Variants in MMS22L observed in about 807,000 individuals in gnomAD.
MMS22L encodes the protein MMS22 like, DNA repair protein.
Under a neutral mutation model 159.1 loss-of-function variants are expected in MMS22L, and 74 were observed. The ratio of observed to expected loss-of-function variants is 0.47; its 90% CI spans 0.39 to 0.56. MMS22L has a LOEUF of 0.56. Among genes scored for constraint, MMS22L ranks in the 20% least tolerant of loss-of-function variants. The pLI is 0.00. For missense variants in MMS22L, 1,351 were observed against 1,422.1 expected, an observed-to-expected ratio of 0.95 and a Z score of 0.80; for synonymous variants, 517 against 506.9, an observed-to-expected ratio of 1.02 and a Z score of -0.27.
At chr6:97,277,460 T>C (rs1341956936) in intron 4 of MMS22L, among the ~76,000 whole-genome samples, 3 of 151,870 alleles carry the variant, frequency 2.0e-5, no homozygotes, top group Admixed American at 2.0e-4. Context: ...GGCCACTCCA[T>C]TACAGTGAAA....
At chr6:97,189,260 GT>G (rs1248263765) in intron 14 of MMS22L, among the ~76,000 whole-genome samples, 1 of 103,506 alleles carries the variant, frequency 9.7e-6, no homozygotes, top group Non-Finnish European at 2.0e-5. Flanking sequence ...AATCCATTAG[GT>G]TTAAAAAAAA....
intron 20 of MMS22L, among the ~76,000 whole-genome samples, chr6:97,166,355 G>A (rs1461916513): frequency 3.3e-5 from 5 of 151,990 alleles, no homozygotes; most frequent in African/African-American, 1.2e-4. Flanking sequence ...GACTCACAAC[G>A]TATTTTCCAA....
At chr6:97,201,953 C>A (rs552849991) in intron 14 of MMS22L, among the ~76,000 whole-genome samples, 1 of 152,142 alleles carries the variant, frequency 6.6e-6, no homozygotes, top group Non-Finnish European at 1.5e-5. Context: ...CTTATTCCCT[C>A]GAACAATACT....
chr6:97,242,863 T>C (rs1179487909), intron 11 of MMS22L, among the ~76,000 whole-genome samples: 1 of 152,228 alleles, frequency 6.6e-6, no homozygotes, highest in South Asian at 2.1e-4. Context: ...GGACACAACA[T>C]TCTTGGATGA....
At position 97,192,167 on chromosome 6, in the gene MMS22L, CGGATGGATGGATGGAT is replaced by C. The variant is rs111699319; in HGVS notation, c.2040-5493_2040-5478del. The stretch of plus-strand genomic sequence containing the variant: ...GAGGAGGGGGTAAGTAGGTGGTAGA[CGGATGGATGGATGGAT>C]GGATGGATGGATGGATGGATGGATG... On this transcript the variant is annotated intron_variant, in intron 14 of 24. Coordinates refer to ENST00000683635, the MANE Select transcript of MMS22L (RefSeq NM_001350599.2). Among the ~76,000 whole-genome samples the C allele has an allele frequency of 6.4e-3, 948 of 148,486 alleles. 4 individuals carry two copies. Among genetic ancestry groups the C allele is most frequent in the Middle Eastern group, 0.018 (5 of 284 alleles).
intron 11 of MMS22L, among the ~76,000 whole-genome samples, chr6:97,245,456 C>T (rs537551342): frequency 6.6e-6 from 1 of 152,196 alleles, no homozygotes; most frequent in Non-Finnish European, 1.5e-5. Context: ...ACAATGGCCA[C>T]TGTAATATGC....
At chr6:97,200,587 C>G (rs1385232502) in intron 14 of MMS22L, among the ~76,000 whole-genome samples, 1 of 151,972 alleles carries the variant, frequency 6.6e-6, no homozygotes, top group Non-Finnish European at 1.5e-5. Flanking sequence ...TAACATTTAT[C>G]TGCACATCAA....
At chr6:97,162,255 T>G in intron 21 of MMS22L, 90 bp from the exon 22 acceptor site, 1 of 1,073,932 alleles carries the variant, frequency 9.3e-7, no homozygotes, top group Non-Finnish European at 1.3e-6. Context: ...TTGGCAAAAT[T>G]TACCCCCCAA....
intron 11 of MMS22L, among the ~76,000 whole-genome samples, chr6:97,243,632 G>C (rs558321482): frequency 6.6e-6 from 1 of 152,120 alleles, no homozygotes; most frequent in Non-Finnish European, 1.5e-5. Flanking sequence ...GAGCTAGTGT[G>C]ATCTTGTGGG....
chr6:97,246,579 A>G (rs1812665170), intron 11 of MMS22L, 49 bp downstream of exon 11: 1 of 1,445,926 alleles, frequency 6.9e-7, no homozygotes, highest in Non-Finnish European at 9.5e-7. Context: ...AAAATTTGTA[A>G]CATAAAAATT....
chr6:97,181,279 T>C (rs6913262), intron 16 of MMS22L, among the ~76,000 whole-genome samples: 83,068 of 152,034 alleles, frequency 0.55, 23,586 homozygotes, highest in African/African-American at 0.7. Flanking sequence ...TTTTATTTTC[T>C]CTCATCTTGA....
intron 10 of MMS22L, among the ~76,000 whole-genome samples, chr6:97,247,747 C>T (rs1812822506): frequency 6.6e-6 from 1 of 151,898 alleles, no homozygotes; most frequent in Non-Finnish European, 1.5e-5. Flanking sequence ...AATCATAAGA[C>T]CTCAAAAAGC....
rs201666595 is a variant in MMS22L at position 97,263,365 on chromosome 6, T to C, written c.912A>G (p.Leu304=). Residue 304 remains leucine, a synonymous_variant, in exon 9 of 25, where the codon CTA becomes CTG. Transcript: ENST00000683635. ...AGACAAACCATTTACTTCTGTGGTC[T>C]AGAAGATGAATAAGTAGAACCCATA... The part of the protein sequence containing the change: ...KELWVLLIHL[L]DHRSKWFVSE... 1.7e-4 allele frequency: 273 copies of C among 1,590,710 alleles called. 2 individuals are homozygous for C. In the Middle Eastern group the frequency reaches 7.0e-3, roughly 41 times the overall value.
rs546259113 is a variant in MMS22L, at chr6:97,226,382, G to T, written c.2039+2512C>A. Among the ~76,000 whole-genome samples the T allele has an allele frequency of 8.5e-5, 13 of 152,214 alleles. No individual in the cohort carries two copies. The East Asian group carries it at 2.3e-3, about 27-fold the overall frequency. ...GGCCGAGGCGGGTGGATCACCTGAGGTCAGGAATTCGAGACCAGCCTGGCC... is the reference window on the plus strand; with the variant it reads ...GGCCGAGGCGGGTGGATCACCTGAGTTCAGGAATTCGAGACCAGCCTGGCC... On this transcript the variant is annotated intron_variant, in intron 14 of 24. Coordinates refer to ENST00000683635, the MANE Select transcript of MMS22L (RefSeq NM_001350599.2).
intron 14 of MMS22L, among the ~76,000 whole-genome samples, chr6:97,188,721 A>G (rs1805517406): frequency 6.6e-6 from 1 of 152,172 alleles, no homozygotes; most frequent in South Asian, 2.1e-4. Flanking sequence ...GCACTTTGGG[A>G]GGCCAGGGTG....
chr6:97,256,182 A>G (rs866901805), intron 9 of MMS22L, among the ~76,000 whole-genome samples: 86 of 152,168 alleles, frequency 5.7e-4, no homozygotes, highest in Middle Eastern at 3.4e-3. Context: ...CTTGGAAGTT[A>G]AAAAGTCTAC....
intron 11 of MMS22L, among the ~76,000 whole-genome samples, chr6:97,243,851 C>T (rs985390092): frequency 6.6e-6 from 1 of 152,060 alleles, no homozygotes; most frequent in Non-Finnish European, 1.5e-5. Flanking sequence ...AGTCACCCAG[C>T]AGAGCTACTG....
At chr6:97,201,054 A>G (rs1438243673) in intron 14 of MMS22L, among the ~76,000 whole-genome samples, 1 of 152,150 alleles carries the variant, frequency 6.6e-6, no homozygotes, top group Non-Finnish European at 1.5e-5. Flanking sequence ...GATAAAGCTT[A>G]AAGTCCTTAT....
In MMS22L at chr6:97,267,976, T is replaced by C; in HGVS notation, c.724A>G (p.Met242Val). The change falls in exon 8 of 25, where the codon ATG (methionine) becomes GTG (valine). Residue 242 changes from methionine to valine, a missense_variant. Transcript: ENST00000683635. ...GTTAAATTGTCACTTGCCAGATTCATAAACTGATGACCATATACAACTTGT... is the reference window on the plus strand; with the variant it reads ...GTTAAATTGTCACTTGCCAGATTCACAAACTGATGACCATATACAACTTGT... ...LKQVVYGHQF[M>V]NLASDNLTNI... The C allele has an allele frequency of 6.3e-7, 1 of 1,595,676 alleles. No homozygotes were observed. The highest frequency in any genetic ancestry group is 1.3e-5 in the African/African-American group (1 of 74,280).
Sources: gnomAD v4.1 joint callset for allele counts (sites outside exome capture counted in the v4.1 genomes callset) on GRCh38, gnomAD v4.1.1 for gene constraint, MANE v1.5 for transcripts, NCBI Gene and HGNC (gene_info 2026-07-23, HGNC 2026-07-21) for gene names.